The following DYNC1I1 variants were observed in gnomAD, a reference collection of about 807,000 sequenced individuals.
The protein encoded by DYNC1I1 is cytoplasmic dynein 1 intermediate chain 1.
Under a neutral mutation model 86.6 loss-of-function variants are expected in DYNC1I1, and 43 were observed. That is an observed-to-expected ratio of 0.50 (90% CI 0.39 to 0.64). The LOEUF (loss-of-function observed/expected upper bound fraction) is 0.64. DYNC1I1 is among the 30% of genes least tolerant of loss of function. The pLI, the probability that DYNC1I1 is intolerant of heterozygous loss-of-function variation, is 0.00. For missense variants in DYNC1I1, 604 were observed against 788.8 expected (o/e 0.77, Z 2.81); for synonymous variants, 262 against 283.7 (o/e 0.92, Z 0.77).
At chr7:95,928,548 G>A (rs919212564) in intron 6 of DYNC1I1, among the ~76,000 whole-genome samples, 1 of 152,108 alleles carries the variant, frequency 6.6e-6, no homozygotes, top group Non-Finnish European at 1.5e-5. Context: ...AGGCTGCAGG[G>A]GGAGTATCAG....
chr7:95,813,614 TA>T (rs1424652770), intron 4 of DYNC1I1, among the ~76,000 whole-genome samples: 19 of 152,110 alleles, frequency 1.2e-4, no homozygotes, highest in Admixed American at 8.5e-4. Context: ...AGCTTAGGCT[TA>T]AAAAAGGCAG....
chr7:95,953,739 C>T (rs1792622674), intron 6 of DYNC1I1, among the ~76,000 whole-genome samples: 1 of 152,168 alleles, frequency 6.6e-6, no homozygotes, highest in African/African-American at 2.4e-5. Flanking sequence ...GATAGGATTA[C>T]CTCTGCAGTT....
intron 14 of DYNC1I1, among the ~76,000 whole-genome samples, chr7:96,074,920 G>C (rs1584300573): frequency 6.6e-6 from 1 of 152,232 alleles, no homozygotes; most frequent in Non-Finnish European, 1.5e-5. Context: ...AGAGAGTACA[G>C]ACAGCTGACT....
chr7:95,976,201 G>A (rs965634851), intron 6 of DYNC1I1, among the ~76,000 whole-genome samples: 1 of 152,092 alleles, frequency 6.6e-6, no homozygotes, highest in African/African-American at 2.4e-5. Context: ...GTATAATGTG[G>A]TTATAAAGTA....
intron 16 of DYNC1I1, among the ~76,000 whole-genome samples, chr7:96,103,847 C>T (rs934878931): frequency 2.0e-5 from 3 of 152,030 alleles, no homozygotes; most frequent in African/African-American, 4.8e-5. Context: ...CTCCTGACCT[C>T]GTGATCCACC....
At chr7:95,830,331 A>C (rs1194479061) in intron 5 of DYNC1I1, among the ~76,000 whole-genome samples, 1 of 151,456 alleles carries the variant, frequency 6.6e-6, no homozygotes, top group Non-Finnish European at 1.5e-5. Flanking sequence ...TCATCCCCAG[A>C]GTTTCCTCAT....
intron 10 of DYNC1I1, among the ~76,000 whole-genome samples, chr7:96,005,025 C>G (rs1047698823): frequency 7.9e-5 from 12 of 151,902 alleles, no homozygotes; most frequent in Non-Finnish European, 1.5e-5. Flanking sequence ...ATAAAATTAA[C>G]CAAGAAAAAG....
intron 7 of DYNC1I1, among the ~76,000 whole-genome samples, chr7:95,984,185 G>T (rs946009302): frequency 1.3e-5 from 2 of 152,072 alleles, no homozygotes; most frequent in Non-Finnish European, 2.9e-5. Context: ...ACAATTGTGG[G>T]TTGTTTTATA....
At chr7:95,963,529 A>G (rs2116516205) in intron 6 of DYNC1I1, among the ~76,000 whole-genome samples, 1 of 152,306 alleles carries the variant, frequency 6.6e-6, no homozygotes, top group South Asian at 2.1e-4. Context: ...ACAGGCAAAA[A>G]ATTCATGACT....
At chr7:95,935,807 A>G (rs1451170022) in intron 6 of DYNC1I1, among the ~76,000 whole-genome samples, 2 of 152,090 alleles carry the variant, frequency 1.3e-5, no homozygotes, top group African/African-American at 2.4e-5. Context: ...ATTTAAATAG[A>G]CATTTCTCCA....
intron 14 of DYNC1I1, among the ~76,000 whole-genome samples, chr7:96,064,672 G>C (rs146020500): frequency 6.6e-6 from 1 of 152,292 alleles, no homozygotes; most frequent in East Asian, 1.9e-4. Context: ...CCATTTGAGA[G>C]AGTAGAGGTT....
At chr7:96,017,673 A>G (rs1027170787) in intron 10 of DYNC1I1, among the ~76,000 whole-genome samples, 5 of 152,210 alleles carry the variant, frequency 3.3e-5, no homozygotes, top group Non-Finnish European at 5.9e-5. Context: ...TCTGTAAGTA[A>G]GAAGTTCCAC....
chr7:96,110,042 C>T (rs1406547776), exon 17 of DYNC1I1: 8 of 433,426 alleles, frequency 1.8e-5, no homozygotes, highest in Non-Finnish European at 3.7e-5. Context: ...CCTATGTTGG[C>T]CTCCCAAAGT....
intron 4 of DYNC1I1, among the ~76,000 whole-genome samples, chr7:95,825,438 C>T (rs925612890): frequency 5.3e-5 from 8 of 152,196 alleles, no homozygotes; most frequent in African/African-American, 1.9e-4. Context: ...CCAGAGTCTG[C>T]TCTTTTGTCT....
chr7:96,077,936 G>T (rs1017995667), intron 15 of DYNC1I1, among the ~76,000 whole-genome samples: 3 of 151,940 alleles, frequency 2.0e-5, no homozygotes, highest in African/African-American at 7.3e-5. Context: ...AATCATTATT[G>T]GTCATGCAAA....
chr7:96,100,341 CCCTTCCTT>C (rs577803214), downstream of DYNC1I1, among the ~76,000 whole-genome samples: 368 of 151,586 alleles, frequency 2.4e-3, 3 homozygotes, highest in Middle Eastern at 0.028. Flanking sequence ...CTCCCTCTCT[CCCTTCCTT>C]CCTTCCTTTC....
intron 6 of DYNC1I1, among the ~76,000 whole-genome samples, chr7:95,975,528 A>G (rs141289446): frequency 3.5e-4 from 54 of 152,328 alleles, no homozygotes; most frequent in African/African-American, 1.3e-3. Context: ...TAATGGCACC[A>G]GTCATGTTGG....
At chr7:96,104,987 C>T (rs1258132939) in intron 16 of DYNC1I1, among the ~76,000 whole-genome samples, 2 of 151,974 alleles carry the variant, frequency 1.3e-5, no homozygotes, top group African/African-American at 4.8e-5. Flanking sequence ...TAGAATATAA[C>T]TTGTATTTAT....
intron 5 of DYNC1I1, among the ~76,000 whole-genome samples, chr7:95,867,805 C>T (rs1790053381): frequency 6.6e-6 from 1 of 152,158 alleles, no homozygotes; most frequent in Non-Finnish European, 1.5e-5. Context: ...ATAATAAAGA[C>T]TGATCTACTG....
Sources: allele counts gnomAD v4.1 joint callset (sites outside exome capture counted in the v4.1 genomes callset), GRCh38; gene constraint gnomAD v4.1.1; transcripts MANE v1.5; gene names NCBI Gene and HGNC (gene_info 2026-07-23, HGNC 2026-07-21).